SLC35F3: variants seen among roughly 807,000 people sequenced by gnomAD.
The protein encoded by SLC35F3 is putative thiamine transporter SLC35F3.
SLC35F3 carries 25 observed loss-of-function variants against 49.9 expected under a neutral mutation model. The ratio of observed to expected loss-of-function variants is 0.50; its 90% CI spans 0.37 to 0.70. SLC35F3 has a LOEUF of 0.70. Ranked by LOEUF, SLC35F3 falls within the 30% of genes least tolerant of loss-of-function variation. SLC35F3 has a pLI of 0.00. For synonymous variants in SLC35F3, 275 were observed against 265.4 expected (o/e 1.04, Z -0.35); for missense variants, 525 against 639.8 (o/e 0.82, Z 1.94).
chr1:234,260,476 C>T (rs1227322744), intron 3 of SLC35F3, among the ~76,000 whole-genome samples: 9 of 152,188 alleles, frequency 5.9e-5, no homozygotes, highest in African/African-American at 1.9e-4. Flanking sequence ...TGGGGTTTCT[C>T]TATATGAGTT....
chr1:234,107,649 A>G (rs199906174), intron 2 of SLC35F3, among the ~76,000 whole-genome samples: 1 of 46,212 alleles, frequency 2.2e-5, no homozygotes, highest in African/African-American at 7.1e-5. Flanking sequence ...TCCTGGCTCT[A>G]TTTACCCAGC....
At chr1:234,122,489 A>G (rs947996490) in intron 2 of SLC35F3, among the ~76,000 whole-genome samples, 1 of 152,226 alleles carries the variant, frequency 6.6e-6, no homozygotes, top group African/African-American at 2.4e-5. Context: ...TCCAGGATAC[A>G]TGTGTAGAAC....
chr1:234,206,472 G>A lies in SLC35F3; in HGVS notation c.284-24945G>A, dbSNP rs535050953. ...TTTCCTGGTTCCTGGGGGTGGGGGGGACTATTTCCAAGGGACGCTATTTCC... is the reference window on the plus strand; with the variant it reads ...TTTCCTGGTTCCTGGGGGTGGGGGGAACTATTTCCAAGGGACGCTATTTCC... On this transcript the variant is annotated intron_variant, in intron 2 of 7. Transcript: ENST00000366618. Among the ~76,000 whole-genome samples, 4 of 117,456 alleles carry A rather than the reference G, an allele frequency of 3.4e-5. No homozygotes were observed. The South Asian group carries it at 9.8e-4, about 29-fold the overall frequency. The allele number at this position is 117,456 out of a possible 152,430, so 77.1% of individuals were successfully genotyped here. A position where few individuals can be genotyped will look rare whatever the true frequency, so the allele number is the denominator to read the frequency against.
chr1:234,295,412 T>C (rs951850642), intron 3 of SLC35F3, among the ~76,000 whole-genome samples: 1 of 152,226 alleles, frequency 6.6e-6, no homozygotes, highest in African/African-American at 2.4e-5. Context: ...TGTACCCAAT[T>C]TCCATTCCCT....
intron 2 of SLC35F3, among the ~76,000 whole-genome samples, chr1:234,205,493 C>A (rs993155019): frequency 6.6e-6 from 1 of 152,176 alleles, no homozygotes. Flanking sequence ...ACAGCTAGCA[C>A]CAGGAATGCT....
chr1:234,258,428 C>T (rs1039931190), intron 3 of SLC35F3, among the ~76,000 whole-genome samples: 1 of 152,208 alleles, frequency 6.6e-6, no homozygotes, highest in Non-Finnish European at 1.5e-5. Flanking sequence ...AGAGAAGTTA[C>T]AAATATTGTG....
rs1237361888 is a variant in SLC35F3, at chr1:234,308,669, A to G, written c.609-432A>G. On this transcript the variant is annotated intron_variant, in intron 3 of 7. Transcript: ENST00000366618. ...CCTCCTCCATTACCGTCCTTCTCCC[A>G]CAACCCCCACCCCCAGAGTATCCAT... Among the ~76,000 whole-genome samples the G allele has an allele frequency of 8.4e-5, 8 of 95,624 alleles. No homozygotes were observed. In the South Asian group the frequency reaches 2.2e-3, roughly 27 times the overall value. 62.7% of individuals were successfully genotyped at this position (95,624 alleles called of 152,430 possible). A position where few individuals can be genotyped will look rare whatever the true frequency, so the allele number is the denominator to read the frequency against.
intron 2 of SLC35F3, among the ~76,000 whole-genome samples, chr1:233,911,478 T>G (rs901418751): frequency 6.6e-6 from 1 of 152,180 alleles, no homozygotes; most frequent in African/African-American, 2.4e-5. Flanking sequence ...GTCAGAGAAT[T>G]AATTTTATTC....
intron 2 of SLC35F3, among the ~76,000 whole-genome samples, chr1:234,150,955 A>C (rs997313411): frequency 6.6e-6 from 1 of 152,198 alleles, no homozygotes; most frequent in African/African-American, 2.4e-5. Flanking sequence ...AGAGTACTTT[A>C]AGAAGCACGC....
At chr1:234,146,548 A>G (rs1448873375) in intron 2 of SLC35F3, among the ~76,000 whole-genome samples, 1 of 129,100 alleles carries the variant, frequency 7.7e-6, no homozygotes, top group African/African-American at 3.2e-5. Flanking sequence ...CTGGAATGCA[A>G]TGGTGTGATC....
intron 3 of SLC35F3, among the ~76,000 whole-genome samples, chr1:234,247,910 G>T (rs1667666533): frequency 1.3e-5 from 2 of 152,180 alleles, no homozygotes; most frequent in Non-Finnish European, 2.9e-5. Context: ...TGGGTAGGTT[G>T]GTTGGTCCAT....
intron 2 of SLC35F3, among the ~76,000 whole-genome samples, chr1:234,219,954 G>T (rs1211872074): frequency 6.6e-6 from 1 of 152,204 alleles, no homozygotes; most frequent in East Asian, 1.9e-4. Flanking sequence ...GGGTGGCGCT[G>T]GGAGACCAGC....
At position 234,147,566 on chromosome 1, in the gene SLC35F3, G is replaced by T. The variant is rs550366837; in HGVS notation, c.284-83851G>T. 2.6e-5 allele frequency among the ~76,000 whole-genome samples: 4 copies of T among 152,028 alleles called. No homozygotes were observed. In the South Asian group the frequency reaches 8.3e-4, roughly 32 times the overall value. Reference sequence around the variant, plus strand: ...TACTCCTCAGTTATGAAGTTATTTTGACCTGTAAGCTCATGTTTCTTTGGG... The same window carrying T: ...TACTCCTCAGTTATGAAGTTATTTTTACCTGTAAGCTCATGTTTCTTTGGG... On this transcript the variant is annotated intron_variant, in intron 2 of 7. Coordinates refer to ENST00000366618, the MANE Select transcript of SLC35F3 (RefSeq NM_173508.4).
At chr1:233,995,886 G>A (rs575380646) in intron 2 of SLC35F3, among the ~76,000 whole-genome samples, 105 of 152,218 alleles carry the variant, frequency 6.9e-4, no homozygotes, top group African/African-American at 2.3e-3. Flanking sequence ...CCCCATTCTA[G>A]TATATTTTTC....
chr1:234,307,183 A>C (rs1657219459), intron 3 of SLC35F3, among the ~76,000 whole-genome samples: 1 of 152,242 alleles, frequency 6.6e-6, no homozygotes, highest in African/African-American at 2.4e-5. Flanking sequence ...CATGGCAAAC[A>C]GAAATATCAG....
At chr1:234,318,665 C>T (rs764231462) in intron 5 of SLC35F3, 86 bp from the exon 6 acceptor site, 99 of 1,209,938 alleles carry the variant, frequency 8.2e-5, no homozygotes, top group Non-Finnish European at 1.0e-4. Flanking sequence ...GCAAACCCAG[C>T]GTTGTGGAGT....
chr1:233,965,668 T>A (rs1479156926), intron 2 of SLC35F3, among the ~76,000 whole-genome samples: 1 of 151,934 alleles, frequency 6.6e-6, no homozygotes, highest in Non-Finnish European at 1.5e-5. Context: ...ATAACTGGAG[T>A]GAGCTTGGAA....
At chr1:233,975,317 T>C (rs1007549870) in intron 2 of SLC35F3, among the ~76,000 whole-genome samples, 6 of 152,254 alleles carry the variant, frequency 3.9e-5, no homozygotes, top group Non-Finnish European at 7.3e-5. Flanking sequence ...CCCTGGTAGT[T>C]GCTAATGGCA....
At chr1:233,945,496 A>T (rs1662499175) in intron 2 of SLC35F3, among the ~76,000 whole-genome samples, 2 of 152,206 alleles carry the variant, frequency 1.3e-5, no homozygotes, top group Admixed American at 1.3e-4. Context: ...ATGAAATGAA[A>T]TGTTTCTTCA....
Sources: allele counts gnomAD v4.1 joint callset (sites outside exome capture counted in the v4.1 genomes callset), GRCh38; gene constraint gnomAD v4.1.1; transcripts MANE v1.5; gene names NCBI Gene and HGNC (gene_info 2026-07-23, HGNC 2026-07-21).